The following SGCZ variants were observed in gnomAD, a reference collection of about 807,000 sequenced individuals.
SGCZ encodes the protein sarcoglycan zeta.
A neutral mutation model predicts 41.3 loss-of-function variants in SGCZ; 40 were observed. That is an observed-to-expected ratio of 0.97 (90% CI 0.75 to 1.26). SGCZ has a LOEUF of 1.26. Among genes scored for constraint, SGCZ ranks in the 50% most tolerant of loss-of-function variants. SGCZ has a pLI of 0.00. For missense variants in SGCZ, 552 were observed against 369.8 expected, an observed-to-expected ratio of 1.49 and a Z score of -4.04; for synonymous variants, 206 against 137.5, an observed-to-expected ratio of 1.50 and a Z score of -3.49.
At chr8:14,634,113 T>G (rs1806748852) in intron 1 of SGCZ, among the ~76,000 whole-genome samples, 1 of 151,864 alleles carries the variant, frequency 6.6e-6, no homozygotes, top group Non-Finnish European at 1.5e-5. Flanking sequence ...CAGCTAGCTA[T>G]TCTACTGTGA....
intron 5 of SGCZ, among the ~76,000 whole-genome samples, chr8:14,157,361 T>TGA (rs57899072): frequency 0.022 from 2,796 of 126,564 alleles, 68 homozygotes; most frequent in African/African-American, 0.072. Flanking sequence ...TGTGTGTGTG[T>TGA]GTGAGTGTGT....
chr8:14,891,360 A>G (rs922293460), intron 1 of SGCZ, among the ~76,000 whole-genome samples: 2 of 152,356 alleles, frequency 1.3e-5, no homozygotes, highest in South Asian at 2.1e-4. Flanking sequence ...TCCAGCAGTC[A>G]TGGACGACTT....
chr8:14,324,405 G>A (rs964444266), intron 2 of SGCZ, among the ~76,000 whole-genome samples: 1 of 152,086 alleles, frequency 6.6e-6, no homozygotes, highest in African/African-American at 2.4e-5. Flanking sequence ...AACAGGAAAA[G>A]AGGATTTAAA....
chr8:14,407,808 T>C (rs1585467761), intron 2 of SGCZ, among the ~76,000 whole-genome samples: 1 of 152,156 alleles, frequency 6.6e-6, no homozygotes, highest in Non-Finnish European at 1.5e-5. Context: ...GACTTTCAAA[T>C]GATGACCTTA....
chr8:14,416,517 G>T (rs1483470699), intron 2 of SGCZ, among the ~76,000 whole-genome samples: 2 of 151,756 alleles, frequency 1.3e-5, no homozygotes, highest in Non-Finnish European at 2.9e-5. Flanking sequence ...CAGAGTGAAG[G>T]CCCCAGATGC....
rs1479122010 is a variant in SGCZ, at chr8:14,087,160, A to G, written c.*3283T>C. On this transcript the variant is annotated 3_prime_UTR_variant, in exon 8 of 8. Coordinates refer to ENST00000382080, the MANE Select transcript of SGCZ (RefSeq NM_139167.4). Reference sequence around the variant, plus strand: ...TAAATAATTATGTGCCAAATTATAAAACATATCATTCACAATAAAATATAT... The same window carrying G: ...TAAATAATTATGTGCCAAATTATAAGACATATCATTCACAATAAAATATAT... 6.6e-6 allele frequency among the ~76,000 whole-genome samples: 1 copy of G among 151,612 alleles called. No homozygotes were observed. The highest frequency in any genetic ancestry group is 1.5e-5 in the Non-Finnish European group (1 of 67,704).
chr8:14,582,016 TCCTCTTCTC>T (rs1164338949), intron 1 of SGCZ, among the ~76,000 whole-genome samples: 1 of 152,062 alleles, frequency 6.6e-6, no homozygotes, highest in Admixed American at 6.6e-5. Context: ...GACAAATCCT[TCCTCTTCTC>T]CCTCCTCCTC....
At chr8:14,851,787 T>C (rs2130655441) in intron 1 of SGCZ, among the ~76,000 whole-genome samples, 1 of 152,272 alleles carries the variant, frequency 6.6e-6, no homozygotes, top group South Asian at 2.1e-4. Flanking sequence ...GAGCGAATAC[T>C]TTCCAGGGAA....
intron 1 of SGCZ, among the ~76,000 whole-genome samples, chr8:14,961,452 C>T (rs1011175402): frequency 5.3e-5 from 8 of 152,068 alleles, no homozygotes; most frequent in African/African-American, 7.2e-5. Flanking sequence ...GCTCAGCTAC[C>T]GTGGTACCAT....
chr8:14,839,942 T>C (rs1802841920), intron 1 of SGCZ, among the ~76,000 whole-genome samples: 2 of 152,278 alleles, frequency 1.3e-5, no homozygotes, highest in Admixed American at 6.5e-5. Context: ...GCAAGATGTA[T>C]ATTCTAATTT....
chr8:14,369,242 A>C (rs1223251671), intron 2 of SGCZ, among the ~76,000 whole-genome samples: 1 of 152,040 alleles, frequency 6.6e-6, no homozygotes, highest in Admixed American at 6.6e-5. Context: ...AATCCAATCT[A>C]TGATCATACA....
At chr8:14,923,770 T>C (rs1314905803) in intron 1 of SGCZ, among the ~76,000 whole-genome samples, 1 of 152,242 alleles carries the variant, frequency 6.6e-6, no homozygotes. Context: ...TTCATGTTTT[T>C]AAATTGTATT....
At chr8:14,744,959 C>T (rs1799300668) in intron 1 of SGCZ, among the ~76,000 whole-genome samples, 2 of 152,128 alleles carry the variant, frequency 1.3e-5, no homozygotes, top group Admixed American at 1.3e-4. Flanking sequence ...ACTGATATCT[C>T]CTTGAAGGAA....
intron 2 of SGCZ, among the ~76,000 whole-genome samples, chr8:14,362,927 T>C (rs926316457): frequency 6.6e-6 from 1 of 152,248 alleles, no homozygotes; most frequent in African/African-American, 2.4e-5. Flanking sequence ...TATTTGGAGA[T>C]AACTAATATA....
At chr8:14,726,324 C>CTATATATATATA (rs1362751704) in intron 1 of SGCZ, among the ~76,000 whole-genome samples, 1 of 121,176 alleles carries the variant, frequency 8.3e-6, no homozygotes, top group Admixed American at 8.8e-5. Context: ...ATATATATAT[C>CTATATATATATA]TATATATATA....
intron 2 of SGCZ, among the ~76,000 whole-genome samples, chr8:14,530,248 G>C (rs747756721): frequency 2.6e-5 from 4 of 151,896 alleles, no homozygotes; most frequent in Non-Finnish European, 5.9e-5. Flanking sequence ...CCCTAAAATA[G>C]AGTAATGCCT....
chr8:14,333,279 A>G (rs1173488446), intron 2 of SGCZ, among the ~76,000 whole-genome samples: 2 of 152,106 alleles, frequency 1.3e-5, no homozygotes, highest in African/African-American at 4.8e-5. Context: ...TAAACAAATC[A>G]TATTTCTTGA....
At chr8:15,161,947 C>G (rs1024827099) in intron 1 of SGCZ, among the ~76,000 whole-genome samples, 8 of 152,150 alleles carry the variant, frequency 5.3e-5, no homozygotes, top group African/African-American at 1.4e-4. Flanking sequence ...ACGAGAATCA[C>G]TTGAGCCCAG....
At chr8:14,771,839 A>C (rs1800250421) in intron 1 of SGCZ, among the ~76,000 whole-genome samples, 1 of 152,136 alleles carries the variant, frequency 6.6e-6, no homozygotes, top group Non-Finnish European at 1.5e-5. Flanking sequence ...TAGTGAAAAG[A>C]TATTTCTTCA....
Sources: allele counts gnomAD v4.1 joint callset (sites outside exome capture counted in the v4.1 genomes callset), GRCh38; gene constraint gnomAD v4.1.1; transcripts MANE v1.5; gene names NCBI Gene and HGNC (gene_info 2026-07-23, HGNC 2026-07-21).